Variants in GSPT1 observed in about 807,000 individuals in gnomAD.
GSPT1 encodes G1 to S phase transition 1.
In GSPT1, 20 loss-of-function variants were observed where a neutral mutation model predicts 72.5. That is an observed-to-expected ratio of 0.28 (90% CI 0.19 to 0.40). GSPT1 has a LOEUF of 0.40. Among genes scored for constraint, GSPT1 ranks in the 10% least tolerant of loss-of-function variants. The probability of loss-of-function intolerance (pLI) is 1.00; values close to 1 mark genes in which losing one functional copy is unlikely to be tolerated. For missense variants in GSPT1, 580 were observed against 811.9 expected (o/e 0.71, Z 3.47); for synonymous variants, 334 against 293.5 (o/e 1.14, Z -1.41).
At chr16:11,910,771 GA>G (rs2150892679) in intron 1 of GSPT1, among the ~76,000 whole-genome samples, 1 of 152,284 alleles carries the variant, frequency 6.6e-6, no homozygotes, top group South Asian at 2.1e-4. Context: ...AAAAAATAAA[GA>G]ACAGAAGAAT....
chr16:11,914,064 G>A (rs183680418), intron 1 of GSPT1, among the ~76,000 whole-genome samples: 20 of 152,260 alleles, frequency 1.3e-4, no homozygotes, highest in African/African-American at 4.8e-4. Flanking sequence ...CCACAATACA[G>A]AACTTTAAAG....
intron 5 of GSPT1, 109 bp downstream of exon 5, chr16:11,894,845 C>T: frequency 1.5e-6 from 1 of 669,838 alleles, no homozygotes; most frequent in Admixed American, 2.7e-5. Context: ...TTTAATTTTT[C>T]TTTGGGGGAC....
chr16:11,907,661 G>T (rs1460482100), intron 1 of GSPT1, among the ~76,000 whole-genome samples: 1 of 152,160 alleles, frequency 6.6e-6, no homozygotes, highest in African/African-American at 2.4e-5. Context: ...TAAACTAGCA[G>T]GTAGCAAATC....
intron 6 of GSPT1, among the ~76,000 whole-genome samples, chr16:11,890,039 C>A (rs940004098): frequency 4.0e-5 from 6 of 151,536 alleles, no homozygotes; most frequent in Non-Finnish European, 5.9e-5. Flanking sequence ...CGGCTCACTG[C>A]AACCTCCGCC....
Position 11,870,289 on chromosome 16 carries a change from G to A in GSPT1, c.*2830C>T, listed in dbSNP as rs566203427. On this transcript the variant is annotated 3_prime_UTR_variant, in exon 15 of 15. Coordinates refer to ENST00000434724, the MANE Select transcript of GSPT1 (RefSeq NM_002094.4). ...GTGCTGTATTTCCCCCTCTCCCACA[G>A]TAAGAAACAAGGGTTTAAAATGGCA... 5.3e-5 allele frequency: 8 copies of A among 152,072 alleles called. No individual in the cohort carries two copies. The highest frequency in any genetic ancestry group is 1.7e-4 in the African/African-American group (7 of 41,406). The allele number at this position is 152,072 out of a possible 1,614,324, so 9.4% of individuals were successfully genotyped here.
At chr16:11,897,150 A>G (rs910160626) in intron 3 of GSPT1, among the ~76,000 whole-genome samples, 4 of 152,268 alleles carry the variant, frequency 2.6e-5, no homozygotes, top group Non-Finnish European at 5.9e-5. Context: ...AAATCGTGAC[A>G]CACGAGAAAT....
At chr16:11,881,673 T>TTTTTTTTTTTTTTA (rs71136694) in intron 11 of GSPT1, 1 of 145,150 alleles carries the variant, frequency 6.9e-6, no homozygotes, top group African/African-American at 2.6e-5. Context: ...TTTTTTTTTT[T>TTTTTTTTTTTTTTA]AGTAAAGGTC....
intron 3 of GSPT1, 32 bp downstream of exon 3, chr16:11,897,808 T>G (rs762484328): frequency 1.8e-6 from 2 of 1,135,458 alleles, no homozygotes; most frequent in East Asian, 2.5e-5. Context: ...AGTTTCATAT[T>G]ACTGTATTAA....
rs1156283902 is a variant in GSPT1, at chr16:11,892,527, A to AT, written c.699-1389_699-1388insA. Among the ~76,000 whole-genome samples, 680 of 144,428 alleles carry AT rather than the reference A, an allele frequency of 4.7e-3. 16 individuals carry two copies. Among genetic ancestry groups the AT allele is most frequent in the African/African-American group, 0.018 (641 of 36,304 alleles). The allele number at this position is 144,428 out of a possible 152,430, so 94.8% of individuals were successfully genotyped here. Reference sequence around the variant, plus strand: ...TTCTCAAAAAAACAAAAAAAACAAAAAAAACAAAAAATAAAAAATGGCCGG... The same window carrying AT: ...TTCTCAAAAAAACAAAAAAAACAAAATAAAACAAAAAATAAAAAATGGCCGG... On this transcript the variant is annotated intron_variant, in intron 5 of 14. Transcript: ENST00000434724.
chr16:11,875,662 C>T, intron 14 of GSPT1, 99 bp downstream of exon 14: 1 of 802,734 alleles, frequency 1.2e-6, no homozygotes. Flanking sequence ...TCGAAGTTTT[C>T]TGTGAACCTG....
At chr16:11,915,169 G>A (rs547119370) in intron 1 of GSPT1, 200 bp downstream of exon 1, 2 of 1,034,048 alleles carry the variant, frequency 1.9e-6, no homozygotes, top group Non-Finnish European at 1.2e-6. Context: ...CCCGCTGTCC[G>A]CTCCCCGCCC....
chr16:11,891,289 T>C (rs2054255708), intron 5 of GSPT1, 150 bp from the exon 6 acceptor site: 1 of 202,546 alleles, frequency 4.9e-6, no homozygotes, highest in Non-Finnish European at 9.4e-6. Flanking sequence ...AAAATATATA[T>C]ATAACATATA....
intron 11 of GSPT1, chr16:11,880,209 G>GT (rs1356471349): frequency 2.3e-4 from 35 of 152,354 alleles, no homozygotes; most frequent in African/African-American, 8.4e-4. Context: ...TTACGTGTAT[G>GT]TAACACGCTT....
At chr16:11,905,556 C>T (rs1253821981) in intron 1 of GSPT1, among the ~76,000 whole-genome samples, 1 of 152,142 alleles carries the variant, frequency 6.6e-6, no homozygotes, top group Admixed American at 6.6e-5. Context: ...GGACCAGGTG[C>T]AGTGGCTCAC....
chr16:11,902,563 A>T (rs1041095655), intron 1 of GSPT1, among the ~76,000 whole-genome samples: 2 of 151,598 alleles, frequency 1.3e-5, no homozygotes, highest in Non-Finnish European at 2.9e-5. Flanking sequence ...ACTGCCTGTG[A>T]TACACATGAT....
chr16:11,893,963 T>C (rs147264452), intron 5 of GSPT1, among the ~76,000 whole-genome samples: 94 of 151,842 alleles, frequency 6.2e-4, no homozygotes, highest in African/African-American at 2.1e-3. Flanking sequence ...AAGACCAGCC[T>C]GGGCAATATG....
Position 11,887,684 on chromosome 16 carries a change from A to T in GSPT1, c.843T>A (p.Gly281=), listed in dbSNP as rs2054201127. 2 of 1,613,040 alleles carry T rather than the reference A, an allele frequency of 1.2e-6. No individual in the cohort carries two copies. Among genetic ancestry groups the T allele is most frequent in the African/African-American group, 1.3e-5 (1 of 74,970 alleles). ...ERDKGKTVEV[G]RAYFETEKKH... ...TCTTTTCGGTTTCAAAATAGGCACG[A>T]CCCACTTCTACTGTTTTACCCTTGT... Residue 281 remains glycine, a synonymous_variant, in exon 7 of 15, where the codon GGT becomes GGA. Coordinates refer to ENST00000434724, the MANE Select transcript of GSPT1 (RefSeq NM_002094.4).
intron 5 of GSPT1, 101 bp downstream of exon 5, chr16:11,894,853 G>A: frequency 4.3e-6 from 3 of 693,444 alleles, no homozygotes; most frequent in Non-Finnish European, 7.6e-6. Flanking sequence ...TTCTTTGGGG[G>A]ACCTGTTTTA....
At chr16:11,911,852 G>GTTTTTTTTTT (rs1248759113) in intron 1 of GSPT1, among the ~76,000 whole-genome samples, 1 of 60,414 alleles carries the variant, frequency 1.7e-5, no homozygotes, top group Non-Finnish European at 3.6e-5. Context: ...GCACCCAGCT[G>GTTTTTTTTTT]TATTTTTTTT....
Sources: gnomAD v4.1 joint callset for allele counts (sites outside exome capture counted in the v4.1 genomes callset) on GRCh38, gnomAD v4.1.1 for gene constraint, MANE v1.5 for transcripts, NCBI Gene and HGNC (gene_info 2026-07-23, HGNC 2026-07-21) for gene names.